The following GRM5 variants were observed in gnomAD, a reference collection of about 807,000 sequenced individuals.
GRM5 encodes the protein metabotropic glutamate receptor 5.
A neutral mutation model predicts 83.1 loss-of-function variants in GRM5; 19 were observed. The ratio of observed to expected loss-of-function variants is 0.23; its 90% confidence interval spans 0.16 to 0.34. The LOEUF is 0.34. Ranked by LOEUF, GRM5 falls within the 10% of genes least tolerant of loss-of-function variation. The pLI is 1.00. For synonymous variants in GRM5, 675 were observed against 633.6 expected, an observed-to-expected ratio of 1.07 and a Z score of -0.98; for missense variants, 1,160 against 1,588.3, an observed-to-expected ratio of 0.73 and a Z score of 4.58.
intron 2 of GRM5, among the ~76,000 whole-genome samples, chr11:89,009,852 G>A (rs1450519925): frequency 1.6e-5 from 2 of 123,314 alleles, no homozygotes; most frequent in Admixed American, 1.1e-4. Flanking sequence ...AGTGAGCCGA[G>A]ATCGCGCCAC....
chr11:89,019,801 T>C (rs1464207105), intron 2 of GRM5, among the ~76,000 whole-genome samples: 1 of 152,118 alleles, frequency 6.6e-6, no homozygotes, highest in African/African-American at 2.4e-5. Context: ...TGTAGAAAAG[T>C]TTCTGCTATA....
chr11:89,037,110 T>C (rs1232167395), intron 2 of GRM5, among the ~76,000 whole-genome samples: 2 of 152,052 alleles, frequency 1.3e-5, no homozygotes. Flanking sequence ...AGCCAAAAAG[T>C]TATCTTGTAA....
chr11:88,776,994 A>C (rs4523700), intron 3 of GRM5, among the ~76,000 whole-genome samples: 12,826 of 152,160 alleles, frequency 0.084, 989 homozygotes, highest in African/African-American at 0.21. Flanking sequence ...CTGCCTTGCT[A>C]GGTTGGGGAA....
At chr11:89,052,469 CTT>C (rs1269805591) in intron 1 of GRM5, among the ~76,000 whole-genome samples, 4 of 152,168 alleles carry the variant, frequency 2.6e-5, no homozygotes, top group African/African-American at 7.2e-5. Context: ...ATATGCAAGA[CTT>C]ATATATTTCA....
chr11:88,905,226 C>T (rs1435053796), intron 2 of GRM5, among the ~76,000 whole-genome samples: 3 of 152,150 alleles, frequency 2.0e-5, no homozygotes, highest in African/African-American at 7.2e-5. Flanking sequence ...TACATGTTCC[C>T]AACGATAGGG....
At chr11:88,934,546 G>A (rs1391788808) in intron 2 of GRM5, among the ~76,000 whole-genome samples, 1 of 151,742 alleles carries the variant, frequency 6.6e-6, no homozygotes, top group African/African-American at 2.4e-5. Context: ...AACATGGTGA[G>A]GTAGAAGCAC....
chr11:88,706,036 T>C (rs996439120), intron 3 of GRM5, among the ~76,000 whole-genome samples: 1 of 151,992 alleles, frequency 6.6e-6, no homozygotes, highest in African/African-American at 2.4e-5. Flanking sequence ...TCACAGAGAT[T>C]CACTAACTTC....
intron 2 of GRM5, among the ~76,000 whole-genome samples, chr11:88,946,498 A>G (rs1052828326): frequency 5.3e-5 from 8 of 152,200 alleles, no homozygotes; most frequent in African/African-American, 1.9e-4. Context: ...GCCCATTAAA[A>G]TTATGTTCTT....
chr11:88,613,884 A>C (rs1938396548), intron 4 of GRM5, among the ~76,000 whole-genome samples: 1 of 152,120 alleles, frequency 6.6e-6, no homozygotes, highest in African/African-American at 2.4e-5. Flanking sequence ...GAATTGTGGG[A>C]ATACTTCAGG....
At chr11:88,667,408 T>A (rs190062031) in intron 3 of GRM5, among the ~76,000 whole-genome samples, 1 of 152,194 alleles carries the variant, frequency 6.6e-6, no homozygotes, top group East Asian at 1.9e-4. Flanking sequence ...ATAAGTATGA[T>A]GAATCCAAGC....
rs151251005 is a variant in GRM5, at chr11:88,930,970, G to A, written c.662-80815C>T. ...CTTTAAAAAAAAATGGGAGATTGTA[G>A]TTGCTGATTTTATTATTTCTAGAGG... is the stretch of plus-strand genomic sequence containing the variant. On this transcript the variant is annotated intron_variant, in intron 2 of 9. Coordinates refer to ENST00000305447, the MANE Select transcript of GRM5 (RefSeq NM_001143831.3). Among the ~76,000 whole-genome samples, 1,231 of 152,096 alleles carry A rather than the reference G, an allele frequency of 8.1e-3. 12 individuals carry two copies. Among genetic ancestry groups the A allele is most frequent in the African/African-American group, 0.028 (1,162 of 41,492 alleles).
intron 8 of GRM5, among the ~76,000 whole-genome samples, chr11:88,532,960 C>T (rs1282000694): frequency 6.6e-6 from 1 of 152,130 alleles, no homozygotes; most frequent in Non-Finnish European, 1.5e-5. Context: ...TGGCCCAAGC[C>T]ACCAATACCT....
At position 88,508,656 on chromosome 11, in the gene GRM5, G is replaced by C; in HGVS notation, c.3575C>G (p.Pro1192Arg). 6.2e-7 allele frequency: 1 copy of C among 1,609,532 alleles called. No homozygotes were observed. The highest frequency in any genetic ancestry group is 8.5e-7 in the Non-Finnish European group (1 of 1,177,992). Residue 1192 changes from proline to arginine, a missense_variant, in exon 10 of 10, where the codon CCG becomes CGG. By Grantham distance (103) the Pro-to-Arg change is moderately radical. Transcript: ENST00000305447. The surrounding 1 kb of genome is among the most constrained non-coding windows in gnomAD (Gnocchi z 4.2). ...SPVSESALCI[P>R]SSPKYDTLII... ...AAGAGTGTCATATTTGGGAGACGAC[G>C]GGATACAGAGGGCCGACTCGGACAC...
chr11:88,837,765 T>G (rs914065041), intron 3 of GRM5, among the ~76,000 whole-genome samples: 5 of 152,126 alleles, frequency 3.3e-5, no homozygotes, highest in African/African-American at 1.2e-4. Context: ...AGCTTATATC[T>G]AGCAAGCAGA....
At position 88,816,838 on chromosome 11, in the gene GRM5, A is replaced by G. The variant is rs1243238457; in HGVS notation, c.911+33068T>C. ...CTACAAATTATATAATATTAAATGG[A>G]TCATAAAAAAACAGTGTAAACAATT... On this transcript the variant is annotated intron_variant, in intron 3 of 9. Transcript: ENST00000305447. 2.6e-5 allele frequency among the ~76,000 whole-genome samples: 4 copies of G among 151,184 alleles called. No individual in the cohort carries two copies. In the East Asian group the frequency reaches 7.7e-4, roughly 29 times the overall value.
intron 8 of GRM5, among the ~76,000 whole-genome samples, chr11:88,559,147 A>C (rs1165807429): frequency 1.3e-5 from 2 of 152,170 alleles, no homozygotes; most frequent in African/African-American, 4.8e-5. Flanking sequence ...GCAGTTCTTA[A>C]GGTTTAAATT....
chr11:88,937,836 G>T (rs1448682405), intron 2 of GRM5, among the ~76,000 whole-genome samples: 1 of 151,584 alleles, frequency 6.6e-6, no homozygotes, highest in Admixed American at 6.6e-5. Context: ...GTGGATATGT[G>T]GGCAAACAGG....
At chr11:88,671,979 TTC>T (rs1388834083) in intron 3 of GRM5, among the ~76,000 whole-genome samples, 1 of 152,026 alleles carries the variant, frequency 6.6e-6, no homozygotes, top group African/African-American at 2.4e-5. Flanking sequence ...AAAATTTAAT[TTC>T]TGATTAGTCA....
At chr11:88,543,005 T>C (rs938827967) in intron 8 of GRM5, among the ~76,000 whole-genome samples, 1 of 151,974 alleles carries the variant, frequency 6.6e-6, no homozygotes, top group African/African-American at 2.4e-5. Flanking sequence ...GAAGTGGAGG[T>C]TGCAGTAAGC....
Sources: allele counts gnomAD v4.1 joint callset (sites outside exome capture counted in the v4.1 genomes callset), GRCh38; gene constraint gnomAD v4.1.1; non-coding constraint Gnocchi (gnomAD v3.1); transcripts MANE v1.5; gene names NCBI Gene and HGNC (gene_info 2026-07-23, HGNC 2026-07-21).